The following THSD1 variants were observed in gnomAD, a reference collection of about 807,000 sequenced individuals.
THSD1 encodes thrombospondin type 1 domain containing 1, also known as thrombospondin type-1 domain-containing protein 1.
In THSD1, 34 loss-of-function variants were observed where a neutral mutation model predicts 46.3. The observed-to-expected ratio is 0.74, with a 90% CI of 0.56 to 0.98. The LOEUF (loss-of-function observed/expected upper bound fraction) is 0.98, where lower values mean the gene tolerates loss of function less well. Among genes scored for constraint, THSD1 ranks in the 50% least tolerant of loss-of-function variants. The probability of loss-of-function intolerance (pLI) is 0.00; values close to 1 mark genes in which losing one functional copy is unlikely to be tolerated. For missense variants in THSD1, 1,023 were observed against 1,058.3 expected (o/e 0.97, Z 0.46); for synonymous variants, 407 against 416.5 (o/e 0.98, Z 0.28).
Position 52,377,952 on chromosome 13 carries a change from A to AG in THSD1, c.2017dup (p.Leu673ProfsTer12). 6.2e-7 allele frequency: 1 copy of AG among 1,614,186 alleles called. No individual in the cohort carries two copies. The highest frequency in any genetic ancestry group is 1.1e-5 in the South Asian group (1 of 91,082). ...GTAGGCAGGGGCCTGCCGTGGAGTC[A>AG]GAGTGGACATGCTCCTCTCTCGGAA... is the stretch of plus-strand genomic sequence containing the variant. On this transcript the variant is annotated frameshift_variant, in exon 5 of 5. Coordinates refer to ENST00000258613, the MANE Select transcript of THSD1 (RefSeq NM_018676.4). LOFTEE classifies it high-confidence loss of function.
Position 52,378,688 on chromosome 13 carries a change from T to C in THSD1, c.1282A>G (p.Ile428Val). 1 of 1,613,868 alleles carries C rather than the reference T, an allele frequency of 6.2e-7. No homozygotes were observed. ...TGISLCLFII[I>V]ATVLITLWRR... ...CACAGCGTGATGAGCACAGTGGCAA[T>C]GATGATGAACAAGCACAAGGATATA... Residue 428 changes from isoleucine to valine, a missense_variant, in exon 5 of 5, where the codon ATT becomes GTT. By Grantham distance (29) the Ile-to-Val change is conservative (BLOSUM62 3). Transcript: ENST00000258613.
intron 3 of THSD1, among the ~76,000 whole-genome samples, chr13:52,387,803 C>T (rs1957744566): frequency 6.6e-6 from 1 of 151,980 alleles, no homozygotes. Flanking sequence ...GTACATAAAA[C>T]AGAATAGAAG....
intron 3 of THSD1, among the ~76,000 whole-genome samples, chr13:52,393,512 G>A (rs1957788502): frequency 6.6e-6 from 1 of 152,082 alleles, no homozygotes; most frequent in African/African-American, 2.4e-5. Context: ...ACAAAAATTA[G>A]CCGGGCATGG....
intron 4 of THSD1, among the ~76,000 whole-genome samples, chr13:52,380,517 T>C (rs1220479080): frequency 6.6e-6 from 1 of 151,194 alleles, no homozygotes; most frequent in Non-Finnish European, 1.5e-5. Context: ...TTTCCTTTTT[T>C]TTTTTTTTCT....
Position 52,386,188 on chromosome 13 carries a change from T to C in THSD1, c.1022-2A>G. The C allele has an allele frequency of 6.2e-7, 1 of 1,613,936 alleles. No homozygotes were observed. Among genetic ancestry groups the C allele is most frequent in the Non-Finnish European group, 8.5e-7 (1 of 1,179,918 alleles). On this transcript the variant is annotated splice_acceptor_variant, in intron 3 of 4. Coordinates refer to ENST00000258613, the MANE Select transcript of THSD1 (RefSeq NM_018676.4). LOFTEE classifies it high-confidence loss of function. ...ATGGCTGCCACAGTCCCCAAGTTTC[T>C]GCAAGGATATAAGTTATGCTTTTAA...
At position 52,378,398 on chromosome 13, in the gene THSD1, G is replaced by A. The variant is rs1957657574; in HGVS notation, c.1572C>T (p.Ile524=). The change falls in exon 5 of 5, where the codon ATC becomes ATT. Residue 524 remains isoleucine, a synonymous_variant. Transcript: ENST00000258613. Reference sequence around the variant, plus strand: ...CAAGGCGGTAGCTGAACAGAGGTGGGATTATCTTCTGGGCGTTGGACTGGA... The same window carrying A: ...CAAGGCGGTAGCTGAACAGAGGTGGAATTATCTTCTGGGCGTTGGACTGGA... ...ESFQSNAQKI[I]PPLFSYRLAQ... is the part of the protein sequence containing the mutation. 1.2e-6 allele frequency: 2 copies of A among 1,613,962 alleles called. No homozygotes were observed. The highest frequency in any genetic ancestry group is 1.7e-6 in the Non-Finnish European group (2 of 1,180,030).
chr13:52,393,956 C>T (rs1203395653), intron 3 of THSD1, among the ~76,000 whole-genome samples: 1 of 152,176 alleles, frequency 6.6e-6, no homozygotes, highest in African/African-American at 2.4e-5. Context: ...CCAGGGTCTC[C>T]AGGCATGTTT....
chr13:52,397,177 A>C (rs899414659), intron 3 of THSD1, 55 bp downstream of exon 3: 1 of 1,437,280 alleles, frequency 7.0e-7, no homozygotes, highest in African/African-American at 1.4e-5. Context: ...ATTCTAAATA[A>C]TTTTGATTAC....
rs534332640 is a variant in THSD1 at position 52,380,789 on chromosome 13, C to T, written c.1181-2000G>A. 3.9e-5 allele frequency among the ~76,000 whole-genome samples: 6 copies of T among 152,224 alleles called. No homozygotes were observed. The South Asian group carries it at 1.0e-3, about 26-fold the overall frequency. On this transcript the variant is annotated intron_variant, in intron 4 of 4. Transcript: ENST00000258613. ...GCGTTCCCCAAGCTCATTCCTATTG[C>T]TCTTTCCAACCTGTGCTCTTTCACC...
chr13:52,396,559 G>A (rs761816125), intron 3 of THSD1, among the ~76,000 whole-genome samples: 15 of 151,952 alleles, frequency 9.9e-5, no homozygotes, highest in Non-Finnish European at 1.5e-4. Flanking sequence ...GATAAAAAAC[G>A]AACGAGACCA....
intron 3 of THSD1, among the ~76,000 whole-genome samples, chr13:52,395,518 G>A (rs1317071603): frequency 6.6e-6 from 1 of 152,166 alleles, no homozygotes; most frequent in Non-Finnish European, 1.5e-5. Flanking sequence ...TCTGAGGGAT[G>A]CAGCACCTGG....
intron 4 of THSD1, chr13:52,384,231 AATATCAC>A: frequency 3.0e-6 from 1 of 334,720 alleles, no homozygotes. Context: ...AATATGACAT[AATATCAC>A]ATTTCTCAAA....
intron 3 of THSD1, 103 bp downstream of exon 3, chr13:52,397,129 A>G (rs1957817974): frequency 9.4e-7 from 1 of 1,066,184 alleles, no homozygotes; most frequent in South Asian, 1.6e-5. Context: ...GGCATGAACC[A>G]TAAAAATGAT....
In THSD1 at chr13:52,378,265, T is replaced by G. The variant is rs779851694; in HGVS notation, c.1705A>C (p.Ser569Arg). ...GGGCTTTCCAAATCTAAGGGAGCGC[T>G]GGGGGCCGCATCAATGGCAGTGTCT... ...LTDTAIDAAP[S>R]APLDLESPEE... The change falls in exon 5 of 5, where the codon AGC (serine) becomes CGC (arginine). Residue 569 changes from serine (S) to arginine (R), a missense_variant. By Grantham distance (110) the Ser-to-Arg change is moderately radical. Transcript: ENST00000258613. 1 of 1,614,218 alleles carries G rather than the reference T, an allele frequency of 6.2e-7. No individual in the cohort carries two copies. Among genetic ancestry groups the G allele is most frequent in the South Asian group, 1.1e-5 (1 of 91,088 alleles).
intron 3 of THSD1, among the ~76,000 whole-genome samples, chr13:52,390,651 C>G (rs1056954855): frequency 6.6e-6 from 1 of 152,136 alleles, no homozygotes; most frequent in Non-Finnish European, 1.5e-5. Flanking sequence ...CTATTAAAGT[C>G]TCTCTGAGTT....
chr13:52,393,038 G>T (rs1209883139), intron 3 of THSD1, among the ~76,000 whole-genome samples: 1 of 152,046 alleles, frequency 6.6e-6, no homozygotes, highest in African/African-American at 2.4e-5. Flanking sequence ...TTAATACATG[G>T]ATTGACAGTC....
Position 52,377,802 on chromosome 13 carries a change from T to C in THSD1, c.2168A>G (p.Asn723Ser), listed in dbSNP as rs1233163161. Reference sequence around the variant, plus strand: ...CAAAGTGTAGGATTTAGGGAGAGGGTTTAATGGACCACGGGTTCCACTTGC... The same window carrying C: ...CAAAGTGTAGGATTTAGGGAGAGGGCTTAATGGACCACGGGTTCCACTTGC... ...QEASGTRGPL[N>S]PLPKSYTLGQ... The change falls in exon 5 of 5, where the codon AAC becomes AGC. Residue 723 changes from asparagine to serine, a missense_variant. Asn to Ser is a conservative substitution (Grantham distance 46). Coordinates refer to ENST00000258613, the MANE Select transcript of THSD1 (RefSeq NM_018676.4). The C allele has an allele frequency of 3.3e-5, 53 of 1,613,588 alleles. No individual in the cohort carries two copies. Among genetic ancestry groups the C allele is most frequent in the Non-Finnish European group, 4.2e-5 (49 of 1,179,962 alleles).
chr13:52,380,290 T>C (rs1402670412), intron 4 of THSD1, among the ~76,000 whole-genome samples: 1 of 151,430 alleles, frequency 6.6e-6, no homozygotes, highest in Admixed American at 6.6e-5. Flanking sequence ...CCCATGTTTG[T>C]ATCACCACCA....
intron 4 of THSD1, among the ~76,000 whole-genome samples, chr13:52,384,662 T>A (rs987814576): frequency 6.6e-6 from 1 of 152,208 alleles, no homozygotes; most frequent in Admixed American, 6.5e-5. Flanking sequence ...TTGTCACCAG[T>A]GGCCACTGAG....
Sources: allele counts gnomAD v4.1 joint callset (sites outside exome capture counted in the v4.1 genomes callset), GRCh38; gene constraint gnomAD v4.1.1; transcripts MANE v1.5; gene names NCBI Gene and HGNC (gene_info 2026-07-23, HGNC 2026-07-21).